Variants in CAMK4 observed in about 807,000 individuals in gnomAD.
CAMK4 encodes calcium/calmodulin-dependent protein kinase type IV.
A neutral mutation model predicts 44.9 loss-of-function variants in CAMK4; 22 were observed. The ratio of observed to expected loss-of-function variants is 0.49; its 90% CI spans 0.35 to 0.70. CAMK4 has a LOEUF of 0.70. Among genes scored for constraint, CAMK4 ranks in the 30% least tolerant of loss-of-function variants. CAMK4 has a pLI of 0.01. For missense variants in CAMK4, 498 were observed against 586.8 expected (o/e 0.85, Z 1.56); for synonymous variants, 218 against 215.4 (o/e 1.01, Z -0.11).
rs73232006 is a variant in CAMK4, at chr5:111,309,993, A to G, written c.162-34031A>G. 3.6e-3 allele frequency among the ~76,000 whole-genome samples: 544 copies of G among 152,312 alleles called. 4 individuals are homozygous for G. The highest frequency in any genetic ancestry group is 0.013 in the African/African-American group (524 of 41,570). On this transcript the variant is annotated intron_variant, in intron 1 of 10. Coordinates refer to ENST00000282356, the MANE Select transcript of CAMK4 (RefSeq NM_001744.6). Reference sequence around the variant, plus strand: ...TCTGTTAGATTAAGGAAATGAGTAGACAGCAGGGTTCAGGCTTCTATGTCC... The same window carrying G: ...TCTGTTAGATTAAGGAAATGAGTAGGCAGCAGGGTTCAGGCTTCTATGTCC...
intron 1 of CAMK4, among the ~76,000 whole-genome samples, chr5:111,310,995 A>G (rs1404491658): frequency 1.3e-5 from 2 of 152,136 alleles, no homozygotes; most frequent in African/African-American, 4.8e-5. Flanking sequence ...ATACAGTTGA[A>G]TTTAGATAAA....
At chr5:111,224,314 T>C (rs979322418), upstream of CAMK4, 1 of 1,006,222 alleles carries the variant, frequency 9.9e-7, no homozygotes. The surrounding 1 kb of genome is among the most constrained non-coding windows in gnomAD (Gnocchi z 5.7). Flanking sequence ...GCTCGCCCCC[T>C]TCCCCGCCCA....
At chr5:111,443,275 T>TAA (rs1277229779) in intron 5 of CAMK4, among the ~76,000 whole-genome samples, 2 of 47,158 alleles carry the variant, frequency 4.2e-5, no homozygotes, top group African/African-American at 9.7e-5. Context: ...TATATATATA[T>TAA]ATATACACAC....
At position 111,396,283 on chromosome 5, in the gene CAMK4, G is replaced by T. The variant is rs149334113; in HGVS notation, c.459+1501G>T. On this transcript the variant is annotated intron_variant, in intron 5 of 10. Coordinates refer to ENST00000282356, the MANE Select transcript of CAMK4 (RefSeq NM_001744.6). ...TGATCTTTTTGCTATGGTGAGGGAT[G>T]AAAAGTTTGAAATGTGAGTGAATAA... Among the ~76,000 whole-genome samples, 308 of 152,236 alleles carry T rather than the reference G, an allele frequency of 2.0e-3. 1 individual carries two copies. The highest frequency in any genetic ancestry group is 0.01 in the Middle Eastern group (3 of 294).
intron 5 of CAMK4, among the ~76,000 whole-genome samples, chr5:111,416,882 A>G (rs1329749867): frequency 6.6e-6 from 1 of 152,184 alleles, no homozygotes; most frequent in Non-Finnish European, 1.5e-5. Context: ...ATTCAAATTT[A>G]GAGTAGAATT....
At chr5:111,464,571 T>C (rs1754757297) in intron 7 of CAMK4, among the ~76,000 whole-genome samples, 2 of 152,148 alleles carry the variant, frequency 1.3e-5, no homozygotes, top group African/African-American at 2.4e-5. Context: ...GAAATAATCT[T>C]AAGAGCCATG....
chr5:111,352,227 A>T (rs937857922), intron 2 of CAMK4, among the ~76,000 whole-genome samples: 7 of 152,236 alleles, frequency 4.6e-5, no homozygotes, highest in African/African-American at 1.7e-4. Context: ...CAATTAAGAA[A>T]AGCACCAAAG....
chr5:111,285,593 G>A (rs34425968), intron 1 of CAMK4, among the ~76,000 whole-genome samples: 12,434 of 152,206 alleles, frequency 0.082, 622 homozygotes, highest in South Asian at 0.095. Flanking sequence ...TTCAAAATCC[G>A]TGCTTTTTCA....
In CAMK4 at chr5:111,344,049, T is replaced by C. The variant is rs1561426688; in HGVS notation, c.187T>C (p.Cys63Arg). The C allele has an allele frequency of 6.2e-7, 1 of 1,607,238 alleles. No homozygotes were observed. Among genetic ancestry groups the C allele is most frequent in the South Asian group, 1.1e-5 (1 of 90,860 alleles). ...GGGTGCTACATCCATTGTGTACAGA[T>C]GCAAACAGAAGGGGACCCAGAAGCC... is the stretch of plus-strand genomic sequence containing the variant. ...GRGATSIVYR[C>R]KQKGTQKPYA... The change falls in exon 2 of 11, where the codon TGC becomes CGC. Residue 63 changes from cysteine (C) to arginine (R), a missense_variant. Cys to Arg is a radical substitution (Grantham distance 180). Coordinates refer to ENST00000282356, the MANE Select transcript of CAMK4 (RefSeq NM_001744.6).
chr5:111,326,804 T>A (rs902902036), intron 1 of CAMK4, among the ~76,000 whole-genome samples: 2 of 151,936 alleles, frequency 1.3e-5, no homozygotes, highest in Non-Finnish European at 2.9e-5. Flanking sequence ...TAGATACTTT[T>A]TGAGTCATTG....
intron 2 of CAMK4, among the ~76,000 whole-genome samples, chr5:111,356,941 AAGAC>A (rs1750384274): frequency 6.6e-6 from 1 of 152,024 alleles, no homozygotes; most frequent in African/African-American, 2.4e-5. Context: ...GAGAGACAGA[AAGAC>A]AGAGAGAGAG....
chr5:111,365,575 C>T (rs1750761587), intron 2 of CAMK4, among the ~76,000 whole-genome samples: 1 of 151,984 alleles, frequency 6.6e-6, no homozygotes, highest in African/African-American at 2.4e-5. Flanking sequence ...TTGCAGGATG[C>T]ATTTGCTGAT....
At chr5:111,266,192 TCACACACACACA>T (rs58948390) in intron 1 of CAMK4, 32,749 of 143,994 alleles carry the variant, frequency 0.23, 3,878 homozygotes, top group Non-Finnish European at 0.27. Flanking sequence ...ATAAATATAT[TCACACACACACA>T]CACACACACA....
At chr5:111,448,803 TAAAC>T (rs1354863582) in intron 6 of CAMK4, among the ~76,000 whole-genome samples, 4 of 152,116 alleles carry the variant, frequency 2.6e-5, no homozygotes, top group Non-Finnish European at 4.4e-5. Context: ...AGATTCTATC[TAAAC>T]AAACAAACAA....
At chr5:111,384,393 C>T (rs1751524679) in intron 4 of CAMK4, among the ~76,000 whole-genome samples, 1 of 152,182 alleles carries the variant, frequency 6.6e-6, no homozygotes, top group South Asian at 2.1e-4. Flanking sequence ...CCCTCCCCAC[C>T]TCTTAAGTTC....
chr5:111,253,670 G>A (rs183628871), intron 1 of CAMK4, among the ~76,000 whole-genome samples: 1 of 152,234 alleles, frequency 6.6e-6, no homozygotes, highest in East Asian at 1.9e-4. Context: ...TTATGATGTT[G>A]ACTTTATTCC....
intron 1 of CAMK4, among the ~76,000 whole-genome samples, chr5:111,327,609 G>C (rs1485789942): frequency 6.6e-6 from 1 of 151,964 alleles, no homozygotes; most frequent in Non-Finnish European, 1.5e-5. Flanking sequence ...GGTTGAACTA[G>C]TTTACAGTCC....
At chr5:111,330,929 T>C (rs960686436) in intron 1 of CAMK4, among the ~76,000 whole-genome samples, 1 of 151,556 alleles carries the variant, frequency 6.6e-6, no homozygotes, top group Non-Finnish European at 1.5e-5. Flanking sequence ...ATGGAAAAAA[T>C]ATACCTTGAT....
intron 1 of CAMK4, among the ~76,000 whole-genome samples, chr5:111,244,631 G>A (rs560971059): frequency 2.0e-5 from 3 of 152,194 alleles, no homozygotes; most frequent in Non-Finnish European, 4.4e-5. Context: ...GGGAGGCTGA[G>A]GCAGGCGGAT....
Sources: allele counts gnomAD v4.1 joint callset (sites outside exome capture counted in the v4.1 genomes callset), GRCh38; gene constraint gnomAD v4.1.1; non-coding constraint Gnocchi (gnomAD v3.1); transcripts MANE v1.5; gene names NCBI Gene and HGNC (gene_info 2026-07-23, HGNC 2026-07-21).